Variants in PCDHGA3 observed in about 807,000 individuals in gnomAD.
The protein encoded by PCDHGA3 is protocadherin gamma subfamily A, 3.
A neutral mutation model predicts 58.5 loss-of-function variants in PCDHGA3; 40 were observed. The ratio of observed to expected loss-of-function variants is 0.68; its 90% confidence interval spans 0.53 to 0.89. The LOEUF (loss-of-function observed/expected upper bound fraction) is 0.89, where lower values mean the gene tolerates loss of function less well. Ranked by LOEUF, PCDHGA3 falls within the 40% of genes least tolerant of loss-of-function variation. The pLI is 0.00. For missense variants in PCDHGA3, 1,223 were observed against 1,195.9 expected (o/e 1.02, Z -0.33); for synonymous variants, 530 against 525.7 (o/e 1.01, Z -0.11).
At chr5:141,450,792 G>T (rs1222162745) in intron 1 of PCDHGA3, among the ~76,000 whole-genome samples, 2 of 149,686 alleles carry the variant, frequency 1.3e-5, no homozygotes, top group Non-Finnish European at 3.0e-5. Context: ...CGGACCTCAT[G>T]ATTGTATTTA....
chr5:141,395,181 T>C (rs758854683), intron 1 of PCDHGA3: 3 of 1,614,030 alleles, frequency 1.9e-6, no homozygotes, highest in Non-Finnish European at 2.5e-6. Context: ...GAAAAATGAT[T>C]CTTTGTTAAC....
intron 1 of PCDHGA3, among the ~76,000 whole-genome samples, chr5:141,435,011 A>G (rs2097737147): frequency 6.6e-6 from 1 of 152,126 alleles, no homozygotes; most frequent in African/African-American, 2.4e-5. Flanking sequence ...TTTATCAATG[A>G]TAATGCTCTT....
At chr5:141,401,128 G>A (rs1271194736) in intron 1 of PCDHGA3, among the ~76,000 whole-genome samples, 3 of 152,166 alleles carry the variant, frequency 2.0e-5, no homozygotes, top group Non-Finnish European at 4.4e-5. Context: ...TGGATCACAT[G>A]GTCAGGAGTT....
chr5:141,369,491 AC>A lies in PCDHGA3; in HGVS notation c.2424+23038del, dbSNP rs569923210. Among the ~76,000 whole-genome samples, 212 of 152,086 alleles carry A rather than the reference AC, an allele frequency of 1.4e-3. 1 individual carries two copies. Among genetic ancestry groups the A allele is most frequent in the African/African-American group, 4.8e-3 (199 of 41,476 alleles). On this transcript the variant is annotated intron_variant, in intron 1 of 3. Coordinates refer to ENST00000253812, the MANE Select transcript of PCDHGA3 (RefSeq NM_018916.4). ...AGCCCAGCCTGGGCAACATAGTGAA[AC>A]CCCACCTCTATAGAAAAAAAAAGTT...
intron 1 of PCDHGA3, chr5:141,417,545 T>C: frequency 3.2e-6 from 1 of 312,052 alleles, no homozygotes; most frequent in East Asian, 5.5e-5. Context: ...AAAAAATTCC[T>C]TGAAAGAGGT....
chr5:141,383,196 T>G, intron 1 of PCDHGA3: 3 of 1,613,866 alleles, frequency 1.9e-6, no homozygotes, highest in Non-Finnish European at 2.5e-6. Flanking sequence ...GCGCTCAGAG[T>G]GCGCGGTGTC....
chr5:141,382,592 A>C (rs1264942970), intron 1 of PCDHGA3: 2 of 246,462 alleles, frequency 8.1e-6, no homozygotes, highest in Non-Finnish European at 1.5e-5. Flanking sequence ...TTGAAAGATG[A>C]AACAATTTTC....
In PCDHGA3 at chr5:141,486,407, C is replaced by A; in HGVS notation, c.2425-8400C>A. The A allele has an allele frequency of 6.2e-7, 1 of 1,614,134 alleles. No homozygotes were observed. The highest frequency in any genetic ancestry group is 8.5e-7 in the Non-Finnish European group (1 of 1,180,000). On this transcript the variant is annotated intron_variant, in intron 1 of 3. Transcript: ENST00000253812. This position sits in a 1 kb window ranked among gnomAD's most constrained non-coding sequence, Gnocchi z 5.0. Reference sequence around the variant, plus strand: ...CCAGTTCTCCCTGGTGACTGCTGGACCCTTGGATCGAGAGGCCAAATCTAG... The same window carrying A: ...CCAGTTCTCCCTGGTGACTGCTGGAACCTTGGATCGAGAGGCCAAATCTAG...
intron 1 of PCDHGA3, among the ~76,000 whole-genome samples, chr5:141,488,087 G>A (rs1479773288): frequency 6.6e-6 from 1 of 152,198 alleles, no homozygotes; most frequent in East Asian, 1.9e-4. Flanking sequence ...CTAGTACACT[G>A]TGAAGGGACC....
chr5:141,383,476 G>A, intron 1 of PCDHGA3: 1 of 1,613,748 alleles, frequency 6.2e-7, no homozygotes, highest in Non-Finnish European at 8.5e-7. Flanking sequence ...TAAGTACCCG[G>A]AACTGGTGCT....
At chr5:141,364,327 G>A (rs1433768344) in intron 1 of PCDHGA3, 9 of 1,529,608 alleles carry the variant, frequency 5.9e-6, no homozygotes, top group South Asian at 1.3e-5. Context: ...GCAGAGAGAA[G>A]GCAATGGCGA....
At chr5:141,467,941 G>A (rs1173095290) in intron 1 of PCDHGA3, among the ~76,000 whole-genome samples, 4 of 151,984 alleles carry the variant, frequency 2.6e-5, no homozygotes, top group Admixed American at 2.6e-4. Context: ...TTACAAGCAT[G>A]AGCCACCACA....
chr5:141,486,498 T>C lies in PCDHGA3; in HGVS notation c.2425-8309T>C, dbSNP rs755907391. On this transcript the variant is annotated intron_variant, in intron 1 of 3. Coordinates refer to ENST00000253812, the MANE Select transcript of PCDHGA3 (RefSeq NM_018916.4). The surrounding 1 kb of genome is among the most constrained non-coding windows in gnomAD (Gnocchi z 5.0). The stretch of plus-strand genomic sequence containing the variant: ...CCTCTCAGTACCCACAGAACTATTT[T>C]CCTCAATATTTCAGATGTGAATGAT... 6.2e-7 allele frequency: 1 copy of C among 1,614,030 alleles called. No individual in the cohort carries two copies. The highest frequency in any genetic ancestry group is 8.5e-7 in the Non-Finnish European group (1 of 1,179,874).
intron 1 of PCDHGA3, chr5:141,355,670 C>G (rs1759931772): frequency 6.2e-7 from 1 of 1,614,014 alleles, no homozygotes; most frequent in Non-Finnish European, 8.5e-7. Context: ...CTTCCTGAAG[C>G]TTTTGATCCG....
In PCDHGA3 at chr5:141,370,651, T is replaced by G. The variant is rs779641933; in HGVS notation, c.2424+24194T>G. On this transcript the variant is annotated intron_variant, in intron 1 of 3. Coordinates refer to ENST00000253812, the MANE Select transcript of PCDHGA3 (RefSeq NM_018916.4). Reference sequence around the variant, plus strand: ...AGCCCCGAAAATGGGAACTTACTTGTGAGCGACCGTATAGACCGAGAGGAG... The same window carrying G: ...AGCCCCGAAAATGGGAACTTACTTGGGAGCGACCGTATAGACCGAGAGGAG... 4.3e-6 allele frequency: 7 copies of G among 1,613,800 alleles called. No homozygotes were observed. In the South Asian group the frequency reaches 7.7e-5, roughly 18 times the overall value.
At position 141,352,536 on chromosome 5, in the gene PCDHGA3, C is replaced by A. The variant is rs199727665; in HGVS notation, c.2424+6079C>A. On this transcript the variant is annotated intron_variant, in intron 1 of 3. Transcript: ENST00000253812. ...TGTATTGCCTCTCATTCTGCAAAGACAGAGTTTAATTCTCTCAACCTGACA... is the reference window on the plus strand; with the variant it reads ...TGTATTGCCTCTCATTCTGCAAAGAAAGAGTTTAATTCTCTCAACCTGACA... 161 of 1,614,032 alleles carry A rather than the reference C, an allele frequency of 1.0e-4. No homozygotes were observed. In the African/African-American group the frequency reaches 1.9e-3, roughly 19 times the overall value.
chr5:141,367,589 A>G (rs1467826707), intron 1 of PCDHGA3: 1 of 152,062 alleles, frequency 6.6e-6, no homozygotes, highest in African/African-American at 2.4e-5. Flanking sequence ...AAAAGTAGAT[A>G]AAATTTATAT....
At chr5:141,406,072 CT>C (rs530474569) in intron 1 of PCDHGA3, among the ~76,000 whole-genome samples, 16,756 of 141,280 alleles carry the variant, frequency 0.12, 1,110 homozygotes, top group African/African-American at 0.2. Flanking sequence ...ATTCTTACTC[CT>C]TTTTTTTTTT....
At chr5:141,462,698 G>A (rs2099045237) in intron 1 of PCDHGA3, among the ~76,000 whole-genome samples, 1 of 152,062 alleles carries the variant, frequency 6.6e-6, no homozygotes. Context: ...ATTTATAATG[G>A]AGGTTTTAAA....
Sources: allele counts gnomAD v4.1 joint callset (sites outside exome capture counted in the v4.1 genomes callset), GRCh38; gene constraint gnomAD v4.1.1; non-coding constraint Gnocchi (gnomAD v3.1); transcripts MANE v1.5; gene names NCBI Gene and HGNC (gene_info 2026-07-23, HGNC 2026-07-21).